The following MAP2K4 variants were observed in gnomAD, a reference collection of about 807,000 sequenced individuals.
MAP2K4 encodes the protein mitogen-activated protein kinase kinase 4.
A neutral mutation model predicts 48.5 loss-of-function variants in MAP2K4; 4 were observed. The observed-to-expected ratio is 0.08, with a 90% CI of 0.04 to 0.19. The LOEUF is 0.19. MAP2K4 is among the 10% of genes least tolerant of loss of function. The pLI is 1.00. For missense variants in MAP2K4, 258 were observed against 493.3 expected, an observed-to-expected ratio of 0.52 and a Z score of 4.52; for synonymous variants, 166 against 173.1, an observed-to-expected ratio of 0.96 and a Z score of 0.32.
intron 4 of MAP2K4, among the ~76,000 whole-genome samples, chr17:12,101,406 C>G (rs1471048234): frequency 6.6e-6 from 1 of 152,012 alleles, no homozygotes; most frequent in Non-Finnish European, 1.5e-5. Context: ...ACTACTCCAG[C>G]TTTATAGAAA....
chr17:12,081,769 C>T lies in MAP2K4; in HGVS notation c.393+239C>T. ...TGTTGATTGCATTTTTGGCATGATGCATTAACATGTTTTAAACTTCAGGCC... is the reference window on the plus strand; with the variant it reads ...TGTTGATTGCATTTTTGGCATGATGTATTAACATGTTTTAAACTTCAGGCC... On this transcript the variant is annotated intron_variant, in intron 3 of 10. Coordinates refer to ENST00000353533, the MANE Select transcript of MAP2K4 (RefSeq NM_003010.4). This position sits in a 1 kb window ranked among gnomAD's most constrained non-coding sequence, Gnocchi z 4.2. 1 of 544,764 alleles carries T rather than the reference C, an allele frequency of 1.8e-6. No homozygotes were observed. Among genetic ancestry groups the T allele is most frequent in the South Asian group, 2.0e-5 (1 of 50,726 alleles). 33.7% of individuals were successfully genotyped at this position (544,764 alleles called of 1,614,324 possible).
At chr17:12,095,786 A>G (rs1259793963) in intron 4 of MAP2K4, 92 bp downstream of exon 4, 3 of 1,358,554 alleles carry the variant, frequency 2.2e-6, no homozygotes, top group Admixed American at 2.0e-5. Context: ...AATGCCATAC[A>G]TTAGTAATAA....
In MAP2K4 at chr17:12,078,616, A is replaced by G. The variant is rs141521488; in HGVS notation, c.219-2740A>G. Among the ~76,000 whole-genome samples the G allele has an allele frequency of 3.3e-5, 5 of 152,132 alleles. No homozygotes were observed. In the East Asian group the frequency reaches 5.8e-4, roughly 18 times the overall value. ...AAGTCAGGGAACTTTTTTTTTCTTTAAGAGTATAATTGTAGGCAAATATTT... is the reference window on the plus strand; with the variant it reads ...AAGTCAGGGAACTTTTTTTTTCTTTGAGAGTATAATTGTAGGCAAATATTT... On this transcript the variant is annotated intron_variant, in intron 2 of 10. Coordinates refer to ENST00000353533, the MANE Select transcript of MAP2K4 (RefSeq NM_003010.4).
At chr17:12,092,374 C>G (rs926954022) in intron 3 of MAP2K4, among the ~76,000 whole-genome samples, 1 of 152,110 alleles carries the variant, frequency 6.6e-6, no homozygotes, top group African/African-American at 2.4e-5. Context: ...GAAGTTTGTT[C>G]TTATTGATGT....
intron 7 of MAP2K4, among the ~76,000 whole-genome samples, chr17:12,119,233 T>C (rs942502668): frequency 6.6e-6 from 1 of 152,134 alleles, no homozygotes; most frequent in Admixed American, 6.5e-5. Context: ...GGAGAAAATA[T>C]TTACAAATAA....
intron 1 of MAP2K4, chr17:12,021,549 G>A (rs1969055023): frequency 6.7e-6 from 1 of 149,746 alleles, no homozygotes; most frequent in Non-Finnish European, 1.5e-5. Context: ...CTGACCTCGG[G>A]CTACGGGGGC....
rs1316843375 is a variant in MAP2K4 at position 12,128,146 on chromosome 17, C to G, written c.892-993C>G. On this transcript the variant is annotated intron_variant, in intron 8 of 10. Transcript: ENST00000353533. ...AGGCTGGAGTGCAGTGGCGCAATCTCGGCTCACTGCAAACTCCGCCTCCTG... is the reference window on the plus strand; with the variant it reads ...AGGCTGGAGTGCAGTGGCGCAATCTGGGCTCACTGCAAACTCCGCCTCCTG... Among the ~76,000 whole-genome samples, 3 of 152,216 alleles carry G rather than the reference C, an allele frequency of 2.0e-5. No homozygotes were observed. The South Asian group carries it at 6.2e-4, about 32-fold the overall frequency.
rs1598004807 is a variant in MAP2K4, at chr17:12,020,966, C to T, written c.80C>T (p.Pro27Leu). The T allele has an allele frequency of 8.2e-7, 1 of 1,214,666 alleles. No individual in the cohort carries two copies. Among genetic ancestry groups the T allele is most frequent in the Non-Finnish European group, 1.0e-6 (1 of 976,950 alleles). 75.2% of individuals were successfully genotyped at this position (1,214,666 alleles called of 1,614,324 possible). A position where few individuals can be genotyped will look rare whatever the true frequency, so the allele number is the denominator to read the frequency against. Reference sequence around the variant, plus strand: ...GGCACCCCCGGCCCCGTAGGGTCCCCGGCGCCAGGCCACCCGGCCGTCAGC... The same window carrying T: ...GGCACCCCCGGCCCCGTAGGGTCCCTGGCGCCAGGCCACCCGGCCGTCAGC... ...GSGTPGPVGS[P>L]APGHPAVSSM... The change falls in exon 1 of 11, where the codon CCG (proline) becomes CTG (leucine). Residue 27 changes from proline to leucine, a missense_variant. Transcript: ENST00000353533.
chr17:12,066,033 A>G (rs1970606660), intron 2 of MAP2K4, among the ~76,000 whole-genome samples: 1 of 152,184 alleles, frequency 6.6e-6, no homozygotes, highest in Non-Finnish European at 1.5e-5. Flanking sequence ...GTTGCACCAC[A>G]TCAGGTATAG....
intron 2 of MAP2K4, among the ~76,000 whole-genome samples, chr17:12,064,688 C>A (rs920600502): frequency 6.6e-6 from 1 of 152,188 alleles, no homozygotes; most frequent in African/African-American, 2.4e-5. Context: ...CAAGCACCTG[C>A]CCCTGACCCA....
At chr17:12,023,175 CTT>C (rs1314821347) in intron 1 of MAP2K4, among the ~76,000 whole-genome samples, 5 of 152,112 alleles carry the variant, frequency 3.3e-5, no homozygotes, top group Non-Finnish European at 5.9e-5. Context: ...GTTCTTGAAA[CTT>C]TTTTCATTAG....
intron 1 of MAP2K4, among the ~76,000 whole-genome samples, chr17:12,023,225 A>G (rs1969147668): frequency 6.6e-6 from 1 of 152,232 alleles, no homozygotes; most frequent in Non-Finnish European, 1.5e-5. Context: ...GATGTTGTCT[A>G]GAACAGTCTG....
At chr17:12,041,328 C>G (rs1455468188) in intron 1 of MAP2K4, among the ~76,000 whole-genome samples, 1 of 152,200 alleles carries the variant, frequency 6.6e-6, no homozygotes, top group Non-Finnish European at 1.5e-5. Flanking sequence ...GATGCCTGCT[C>G]ATTTTCTACC....
intron 1 of MAP2K4, among the ~76,000 whole-genome samples, chr17:12,052,590 T>C (rs565988221): frequency 6.6e-6 from 1 of 152,204 alleles, no homozygotes; most frequent in Non-Finnish European, 1.5e-5. Context: ...GTTTTCACAA[T>C]AGTTCTTTGT....
At chr17:12,097,195 A>T (rs1197800565) in intron 4 of MAP2K4, among the ~76,000 whole-genome samples, 1 of 152,166 alleles carries the variant, frequency 6.6e-6, no homozygotes, top group African/African-American at 2.4e-5. Context: ...ATCACACCAT[A>T]TGCAGAACAA....
chr17:12,055,484 C>T (rs1970256940), intron 2 of MAP2K4, among the ~76,000 whole-genome samples: 1 of 152,006 alleles, frequency 6.6e-6, no homozygotes, highest in Admixed American at 6.6e-5. Context: ...TCTTATTTCC[C>T]ATCCTAACCT....
At chr17:12,039,237 T>C (rs1026001603) in intron 1 of MAP2K4, among the ~76,000 whole-genome samples, 10 of 152,176 alleles carry the variant, frequency 6.6e-5, no homozygotes, top group African/African-American at 2.4e-4. Flanking sequence ...GTGAAGTCAG[T>C]GGACAAGGTG....
chr17:12,037,898 G>A (rs1969650220), intron 1 of MAP2K4, among the ~76,000 whole-genome samples: 1 of 152,050 alleles, frequency 6.6e-6, no homozygotes, highest in Non-Finnish European at 1.5e-5. Flanking sequence ...TTGCTTAGTT[G>A]TCTTTGACCT....
chr17:12,130,255 T>C (rs539026819), intron 9 of MAP2K4, among the ~76,000 whole-genome samples: 1 of 152,270 alleles, frequency 6.6e-6, no homozygotes, highest in South Asian at 2.1e-4. Flanking sequence ...TGTAACCAAA[T>C]TCTACTTTTG....
Sources: gnomAD v4.1 joint callset for allele counts (sites outside exome capture counted in the v4.1 genomes callset) on GRCh38, gnomAD v4.1.1 for gene constraint, Gnocchi (gnomAD v3.1) non-coding constraint, MANE v1.5 for transcripts, NCBI Gene and HGNC (gene_info 2026-07-23, HGNC 2026-07-21) for gene names.